Variants in RBFOX3 observed in about 807,000 individuals in gnomAD.
The protein encoded by RBFOX3 is RNA binding fox-1 homolog 3, also known as RNA binding protein fox-1 homolog 3.
In RBFOX3, 17 loss-of-function variants were observed where a neutral mutation model predicts 48.7. The ratio of observed to expected loss-of-function variants is 0.35; its 90% CI spans 0.24 to 0.52. The LOEUF (loss-of-function observed/expected upper bound fraction) is 0.52, where lower values mean the gene tolerates loss of function less well. Among genes scored for constraint, RBFOX3 ranks in the 20% least tolerant of loss-of-function variants. The pLI is 0.94. For synonymous variants in RBFOX3, 212 were observed against 209.5 expected (o/e 1.01, Z -0.10); for missense variants, 382 against 497.5 (o/e 0.77, Z 2.21).
At chr17:79,408,277 C>G (rs1419310129) in intron 2 of RBFOX3, among the ~76,000 whole-genome samples, 1 of 152,166 alleles carries the variant, frequency 6.6e-6, no homozygotes, top group Non-Finnish European at 1.5e-5. Flanking sequence ...AAGTGCCCCA[C>G]CGAGGACAGC....
chr17:79,221,018 C>T (rs11870893), intron 4 of RBFOX3, among the ~76,000 whole-genome samples: 12,074 of 152,252 alleles, frequency 0.079, 623 homozygotes, highest in Admixed American at 0.12. Context: ...TGAGGGACTC[C>T]GATACCTTCT....
the RBFOX3 span, among the ~76,000 whole-genome samples, chr17:79,649,512 C>T: frequency 1.3e-5 from 2 of 152,202 alleles, no homozygotes; most frequent in South Asian, 4.1e-4. Flanking sequence ...TCAAGACCAG[C>T]CTGGCCAATG....
rs2076781850 is a variant in RBFOX3, at chr17:79,311,046, G to T, written c.-174-3222C>A. Among the ~76,000 whole-genome samples, 1 of 152,138 alleles carries T rather than the reference G, an allele frequency of 6.6e-6. No individual in the cohort carries two copies. The highest frequency in any genetic ancestry group is 2.4e-5 in the African/African-American group (1 of 41,418). ...GGCCTTTCTTAATGTGGGTGGGTGG[G>T]CTTCATCCAGTCAGTCGAAAGGCTT... On this transcript the variant is annotated intron_variant, in intron 2 of 14. Coordinates refer to ENST00000693108, the MANE Select transcript of RBFOX3 (RefSeq NM_001350451.2). This position sits in a 1 kb window ranked among gnomAD's most constrained non-coding sequence, Gnocchi z 4.2.
chr17:79,142,925 C>T (rs1348736552), intron 4 of RBFOX3, among the ~76,000 whole-genome samples: 1 of 152,142 alleles, frequency 6.6e-6, no homozygotes, highest in African/African-American at 2.4e-5. Context: ...CACCCATGCA[C>T]GTGGCCCTGC....
intron 1 of RBFOX3, among the ~76,000 whole-genome samples, chr17:79,590,685 C>T (rs1042850178): frequency 6.6e-6 from 1 of 152,128 alleles, no homozygotes; most frequent in Non-Finnish European, 1.5e-5. Flanking sequence ...CACCTGGCAC[C>T]GAAAGTGGAG....
intron 2 of RBFOX3, among the ~76,000 whole-genome samples, chr17:79,447,379 C>T (rs574763421): frequency 6.6e-6 from 1 of 152,340 alleles, no homozygotes; most frequent in African/African-American, 2.4e-5. Flanking sequence ...CAAACTGCCA[C>T]TCCCCCTCCA....
chr17:79,145,648 G>A (rs1599660542), intron 4 of RBFOX3, among the ~76,000 whole-genome samples: 2 of 152,320 alleles, frequency 1.3e-5, no homozygotes, highest in East Asian at 3.9e-4. Flanking sequence ...GCAGCAGGGA[G>A]GAAATGGGGC....
At chr17:79,097,254 AC>A (rs2075499769) in intron 11 of RBFOX3, 37 bp downstream of exon 11, 3 of 1,405,014 alleles carry the variant, frequency 2.1e-6, no homozygotes, top group South Asian at 1.5e-5. Context: ...CCGCCGTCCT[AC>A]CCCCTCCTCC....
intron 2 of RBFOX3, among the ~76,000 whole-genome samples, chr17:79,450,763 G>C (rs193298952): frequency 1.1e-3 from 174 of 152,240 alleles, no homozygotes; most frequent in Admixed American, 2.5e-3. Context: ...TGTCTGGCAA[G>C]GATTCGACGG....
At chr17:79,234,595 C>G (rs1157866912) in intron 4 of RBFOX3, 1 of 152,114 alleles carries the variant, frequency 6.6e-6, no homozygotes, top group Non-Finnish European at 1.5e-5. Context: ...CCGATGGCTG[C>G]ATTTTCTAAT....
At chr17:79,341,189 T>A (rs1422808356) in intron 2 of RBFOX3, among the ~76,000 whole-genome samples, 1 of 152,072 alleles carries the variant, frequency 6.6e-6, no homozygotes, top group African/African-American at 2.4e-5. Flanking sequence ...CCTGTAGGCG[T>A]GGGTGTGTGC....
At chr17:79,327,982 C>T (rs1394846742) in intron 2 of RBFOX3, among the ~76,000 whole-genome samples, 1 of 152,220 alleles carries the variant, frequency 6.6e-6, no homozygotes, top group Non-Finnish European at 1.5e-5. Context: ...GTGTGAGCCA[C>T]CGCACCTGGC....
At chr17:79,563,785 C>T (rs1265912153) in intron 1 of RBFOX3, among the ~76,000 whole-genome samples, 2 of 152,144 alleles carry the variant, frequency 1.3e-5, no homozygotes, top group African/African-American at 2.4e-5. Context: ...GGCGTCTTGT[C>T]GCTATTTGCT....
chr17:79,448,837 C>T (rs576035423), intron 2 of RBFOX3, among the ~76,000 whole-genome samples: 1 of 152,264 alleles, frequency 6.6e-6, no homozygotes, highest in South Asian at 2.1e-4. Context: ...CCCACCTGGA[C>T]GGCAGCCCCT....
chr17:79,367,096 C>G (rs946946663), intron 2 of RBFOX3, among the ~76,000 whole-genome samples: 9 of 152,306 alleles, frequency 5.9e-5, no homozygotes, highest in African/African-American at 2.2e-4. Context: ...CTGCTGCCCT[C>G]GCTCCCACAT....
intron 2 of RBFOX3, among the ~76,000 whole-genome samples, chr17:79,470,043 GCCTCCTGCAGAC>G (rs2076869625): frequency 6.6e-6 from 1 of 152,160 alleles, no homozygotes; most frequent in East Asian, 1.9e-4. Flanking sequence ...CACGTGTGGG[GCCTCCTGCAGAC>G]CACAGGTGCC....
chr17:79,155,375 G>A (rs992434947), intron 4 of RBFOX3, among the ~76,000 whole-genome samples: 4 of 152,200 alleles, frequency 2.6e-5, no homozygotes, highest in South Asian at 2.1e-4. Flanking sequence ...GGCACTGCCC[G>A]CTCTCGGGCA....
intron 4 of RBFOX3, chr17:79,234,519 G>T (rs1052899149): frequency 6.6e-5 from 10 of 152,102 alleles, no homozygotes; most frequent in Non-Finnish European, 1.0e-4. Flanking sequence ...TTTGAAAAAC[G>T]CAGCGCTGGC....
At chr17:79,176,562 C>T (rs1406155820) in intron 4 of RBFOX3, among the ~76,000 whole-genome samples, 3 of 152,236 alleles carry the variant, frequency 2.0e-5, no homozygotes, top group African/African-American at 4.8e-5. Flanking sequence ...CACAAGAAGT[C>T]GGAGTCAGTC....
Sources: allele counts gnomAD v4.1 joint callset (sites outside exome capture counted in the v4.1 genomes callset), GRCh38; gene constraint gnomAD v4.1.1; non-coding constraint Gnocchi (gnomAD v3.1); transcripts MANE v1.5; gene names NCBI Gene and HGNC (gene_info 2026-07-23, HGNC 2026-07-21).